Variants in CMTM4 observed in about 807,000 individuals in gnomAD.
CMTM4 encodes CKLF-like MARVEL transmembrane domain-containing protein 4.
A neutral mutation model predicts 19.0 loss-of-function variants in CMTM4; 8 were observed. The ratio of observed to expected loss-of-function variants is 0.42; its 90% CI spans 0.25 to 0.76. The LOEUF is 0.76. Ranked by LOEUF, CMTM4 falls within the 30% of genes least tolerant of loss-of-function variation. The pLI, the probability that CMTM4 is intolerant of heterozygous loss-of-function variation, is 0.27. For synonymous variants in CMTM4, 106 were observed against 121.1 expected (o/e 0.88, Z 0.82); for missense variants, 228 against 290.2 (o/e 0.79, Z 1.56).
chr16:66,598,298 TCA>T, the CMTM4 span, among the ~76,000 whole-genome samples: 3 of 152,202 alleles, frequency 2.0e-5, no homozygotes, highest in African/African-American at 7.2e-5. Flanking sequence ...CCTCAGGAGA[TCA>T]CAGTCTGCTG....
At chr16:66,634,053 A>G (rs2015937989) in intron 2 of CMTM4, among the ~76,000 whole-genome samples, 1 of 152,216 alleles carries the variant, frequency 6.6e-6, no homozygotes, top group Non-Finnish European at 1.5e-5. Context: ...ATGCACCTCA[A>G]CATGACCGGT....
intron 1 of CMTM4, among the ~76,000 whole-genome samples, chr16:66,660,350 T>C (rs1366028149): frequency 7.3e-6 from 1 of 137,532 alleles, no homozygotes; most frequent in Non-Finnish European, 1.5e-5. Flanking sequence ...ATTATGCCAC[T>C]GCACTCCAGC....
Position 66,683,174 on chromosome 16 carries a change from TAC to T in CMTM4, c.186+13164_186+13165del, listed in dbSNP as rs1232852696. 6.5e-3 allele frequency among the ~76,000 whole-genome samples: 541 copies of T among 83,584 alleles called. 4 individuals are homozygous for T. Among genetic ancestry groups the T allele is most frequent in the South Asian group, 0.011 (20 of 1,884 alleles). 54.8% of individuals were successfully genotyped at this position (83,584 alleles called of 152,430 possible). A position where few individuals can be genotyped will look rare whatever the true frequency, so the allele number is the denominator to read the frequency against. On this transcript the variant is annotated intron_variant, in intron 1 of 3. Coordinates refer to ENST00000394106, the MANE Select transcript of CMTM4 (RefSeq NM_181521.3). ...ATATATATATACGTATATATATATA[TAC>T]ATATGTATATATATATACATATATA... is the stretch of plus-strand genomic sequence containing the variant.
intron 2 of CMTM4, among the ~76,000 whole-genome samples, chr16:66,626,680 G>A (rs765040341): frequency 1.9e-4 from 29 of 151,156 alleles, no homozygotes; most frequent in Admixed American, 1.6e-3. Flanking sequence ...TGAGGCAGAA[G>A]AACTGCGTGA....
At chr16:66,674,994 C>T (rs1175541626) in intron 1 of CMTM4, among the ~76,000 whole-genome samples, 2 of 151,398 alleles carry the variant, frequency 1.3e-5, no homozygotes, top group Non-Finnish European at 2.9e-5. Context: ...CCACCCGCCT[C>T]GGCCTCCCAA....
intron 1 of CMTM4, among the ~76,000 whole-genome samples, chr16:66,688,307 C>A (rs900298911): frequency 6.6e-6 from 1 of 152,146 alleles, no homozygotes; most frequent in Non-Finnish European, 1.5e-5. Context: ...ACCATAGCAA[C>A]CTCCAACAGG....
intron 2 of CMTM4, among the ~76,000 whole-genome samples, chr16:66,625,690 C>G (rs538001097): frequency 5.9e-5 from 9 of 152,316 alleles, no homozygotes; most frequent in African/African-American, 2.2e-4. Context: ...CCAGCAACTG[C>G]TAACAAGAGC....
chr16:66,652,720 C>T (rs1461584862), intron 1 of CMTM4, among the ~76,000 whole-genome samples: 1 of 152,154 alleles, frequency 6.6e-6, no homozygotes, highest in Admixed American at 6.5e-5. Context: ...TTAGAGCACA[C>T]AAACAGGGTT....
chr16:66,665,140 G>T (rs2144867822), intron 1 of CMTM4, among the ~76,000 whole-genome samples: 1 of 150,918 alleles, frequency 6.6e-6, no homozygotes, highest in African/African-American at 2.4e-5. Context: ...TAGAGACAGG[G>T]TTTTGCCACG....
At position 66,678,249 on chromosome 16, in the gene CMTM4, A is replaced by G. The variant is rs536510567; in HGVS notation, c.186+18091T>C. On this transcript the variant is annotated intron_variant, in intron 1 of 3. Transcript: ENST00000394106. ...AATGAAAATCCAGAGAGGAGAGCAC[A>G]AAGCCATAAAGAATGCTCCTCCAGC... Among the ~76,000 whole-genome samples the G allele has an allele frequency of 2.6e-5, 4 of 152,320 alleles. No homozygotes were observed. The South Asian group carries it at 6.2e-4, about 24-fold the overall frequency.
At chr16:66,675,845 A>G (rs1388531499) in intron 1 of CMTM4, among the ~76,000 whole-genome samples, 1 of 151,908 alleles carries the variant, frequency 6.6e-6, no homozygotes, top group South Asian at 2.1e-4. Flanking sequence ...CTAAAACCAC[A>G]CTATTTATTT....
At chr16:66,609,273 T>G in the CMTM4 span, 37,495 of 624,850 alleles carry the variant, frequency 0.06, 1,729 homozygotes, top group Admixed American at 0.14. The surrounding 1 kb of genome is among the most constrained non-coding windows in gnomAD (Gnocchi z 4.4). Flanking sequence ...CAGAGGCACC[T>G]CGGGGGTGGG....
chr16:66,625,479 T>G (rs2144787361), intron 2 of CMTM4, among the ~76,000 whole-genome samples: 1 of 151,838 alleles, frequency 6.6e-6, no homozygotes. Context: ...AGTCAAAAAT[T>G]TTAAAGTTGT....
chr16:66,690,057 T>C (rs1163185389), intron 1 of CMTM4, among the ~76,000 whole-genome samples: 1 of 152,100 alleles, frequency 6.6e-6, no homozygotes, highest in Non-Finnish European at 1.5e-5. Context: ...TGCCAGAATT[T>C]ATTTGACTCC....
chr16:66,619,008 G>C lies in CMTM4; in HGVS notation c.*3050C>G. 2 of 985,468 alleles carry C rather than the reference G, an allele frequency of 2.0e-6. No individual in the cohort carries two copies. Among genetic ancestry groups the C allele is most frequent in the Non-Finnish European group, 2.4e-6 (2 of 829,936 alleles). 61.0% of individuals were successfully genotyped at this position (985,468 alleles called of 1,614,324 possible). On this transcript the variant is annotated 3_prime_UTR_variant, in exon 4 of 4. Transcript: ENST00000394106. The stretch of plus-strand genomic sequence containing the variant: ...AGGCTGCCACATTCTTGCTTTTTCT[G>C]TAGACAAAAGTCACCTCCCTCGGAT...
At chr16:66,647,612 C>T (rs933297472) in intron 1 of CMTM4, among the ~76,000 whole-genome samples, 1 of 152,132 alleles carries the variant, frequency 6.6e-6, no homozygotes, top group East Asian at 1.9e-4. Flanking sequence ...GGAATGTGAA[C>T]ATCTATCTCT....
At chr16:66,628,149 G>C (rs911778578) in intron 2 of CMTM4, among the ~76,000 whole-genome samples, 1 of 152,236 alleles carries the variant, frequency 6.6e-6, no homozygotes, top group African/African-American at 2.4e-5. Flanking sequence ...TCCCGCCATA[G>C]GGCGGTTTTT....
At chr16:66,640,684 G>A (rs879907849) in intron 1 of CMTM4, among the ~76,000 whole-genome samples, 1 of 152,180 alleles carries the variant, frequency 6.6e-6, no homozygotes, top group Admixed American at 6.5e-5. Flanking sequence ...AATGAATAGG[G>A]CTGACCTATT....
chr16:66,691,642 A>G (rs907828770), intron 1 of CMTM4, among the ~76,000 whole-genome samples: 1 of 152,228 alleles, frequency 6.6e-6, no homozygotes, highest in Non-Finnish European at 1.5e-5. Flanking sequence ...TCGAGGCTGC[A>G]GTAACCTATG....
Sources: gnomAD v4.1 joint callset for allele counts (sites outside exome capture counted in the v4.1 genomes callset) on GRCh38, gnomAD v4.1.1 for gene constraint, Gnocchi (gnomAD v3.1) non-coding constraint, MANE v1.5 for transcripts, NCBI Gene and HGNC (gene_info 2026-07-23, HGNC 2026-07-21) for gene names.